PHC1: variants seen among roughly 807,000 people sequenced by gnomAD.
PHC1 encodes polyhomeotic homolog 1, also known as polyhomeotic-like protein 1.
PHC1 carries 12 observed loss-of-function variants against 104.3 expected under a neutral mutation model. The ratio of observed to expected loss-of-function variants is 0.12; its 90% confidence interval spans 0.07 to 0.19. The LOEUF (loss-of-function observed/expected upper bound fraction) is 0.19. Ranked by LOEUF, PHC1 falls within the 10% of genes least tolerant of loss-of-function variation. The probability of loss-of-function intolerance (pLI) is 1.00; values close to 1 mark genes in which losing one functional copy is unlikely to be tolerated. For synonymous variants in PHC1, 302 were observed against 455.8 expected, an observed-to-expected ratio of 0.66 and a Z score of 4.30; for missense variants, 671 against 1,200.0, an observed-to-expected ratio of 0.56 and a Z score of 6.51.
At position 8,930,661 on chromosome 12, in the gene PHC1, G is replaced by T; in HGVS notation, c.839G>T (p.Gly280Val). ...GSGNSIPGSM[G>V]PGGGGQAHGG... ...GGGAATAGCATCCCAGGGTCCATGG[G>T]TCCAGGTGGAGGTGGGCAGGCACAT... The change falls in exon 7 of 15, where the codon GGT becomes GTT. Residue 280 changes from glycine (G) to valine (V), a missense_variant. By Grantham distance (109) the Gly-to-Val change is moderately radical. Coordinates refer to ENST00000544916, the MANE Select transcript of PHC1 (RefSeq NM_004426.3). 1 of 1,411,898 alleles carries T rather than the reference G, an allele frequency of 7.1e-7. No homozygotes were observed. Among genetic ancestry groups the T allele is most frequent in the East Asian group, 2.5e-5 (1 of 40,220 alleles). The allele number at this position is 1,411,898 out of a possible 1,614,324, so 87.5% of individuals were successfully genotyped here.
chr12:8,928,341 T>C (rs1443692990), intron 6 of PHC1, among the ~76,000 whole-genome samples: 1 of 152,254 alleles, frequency 6.6e-6, no homozygotes, highest in Admixed American at 6.5e-5. Flanking sequence ...ACTAATTTTT[T>C]AATCGTACTT....
intron 10 of PHC1, 80 bp downstream of exon 10, chr12:8,934,558 A>G (rs1006929905): frequency 2.1e-6 from 2 of 948,074 alleles, no homozygotes; most frequent in Non-Finnish European, 3.3e-6. Flanking sequence ...AGTAAAAGTA[A>G]AAGGCACAGA....
In PHC1 at chr12:8,939,447, C is replaced by T. The variant is rs750666698; in HGVS notation, c.3003C>T (p.Leu1001=). ...ALKICAKINV[L]KET is the part of the protein sequence containing the mutation. The stretch of plus-strand genomic sequence containing the variant: ...AGATCTGCGCCAAGATAAATGTCCT[C>T]AAGGAGACCTAAGGTGGCCCTCTTG... Residue 1001 remains leucine, a synonymous_variant, in exon 15 of 15, where the codon CTC becomes CTT. Transcript: ENST00000544916. 1 of 1,577,054 alleles carries T rather than the reference C, an allele frequency of 6.3e-7. No individual in the cohort carries two copies. The highest frequency in any genetic ancestry group is 8.6e-7 in the Non-Finnish European group (1 of 1,156,836).
chr12:8,938,045 A>G lies in PHC1; in HGVS notation c.2845A>G (p.Ile949Val), dbSNP rs373549504. 6.2e-7 allele frequency: 1 copy of G among 1,606,750 alleles called. No individual in the cohort carries two copies. The highest frequency in any genetic ancestry group is 1.3e-5 in the African/African-American group (1 of 74,758). The change falls in exon 14 of 15, where the codon ATT becomes GTT. Residue 949 changes from isoleucine (I) to valine (V), a missense_variant. Ile to Val is a conservative substitution (Grantham distance 29). This residue lies in a region of PHC1 where 192 missense variants were observed against 280.5 expected (regional missense o/e 0.68). Transcript: ENST00000544916. ...GAGTGTAGAGGAGGTGTACGAGTTT[A>G]TTGCTTCTCTCCAAGGTACTGACCC... Reference protein sequence around the residue: ...RWSVEEVYEFIASLQGCQEIA... With the variant: ...RWSVEEVYEFVASLQGCQEIA...
intron 2 of PHC1, among the ~76,000 whole-genome samples, chr12:8,918,914 C>T (rs755333938): frequency 1.3e-5 from 2 of 152,312 alleles, no homozygotes; most frequent in South Asian, 4.1e-4. Flanking sequence ...TAGCCTACTC[C>T]GTACCTAGGT....
rs375728177 is a variant in PHC1, at chr12:8,934,349, G to A, written c.2124G>A (p.Pro708=). ...CCTTGACCCCCGCCCCTTCAGTACCGCCTCCTACACTAGCCATGGTGTCTA... is the reference window on the plus strand; with the variant it reads ...CCTTGACCCCCGCCCCTTCAGTACCACCTCCTACACTAGCCATGGTGTCTA... ...LVALTPAPSV[P]PPTLAMVSRQ... The change falls in exon 10 of 15, where the codon CCG becomes CCA. Residue 708 remains proline, a synonymous_variant. Transcript: ENST00000544916. 2.2e-4 allele frequency: 359 copies of A among 1,613,710 alleles called. No individual in the cohort carries two copies. Among genetic ancestry groups the A allele is most frequent in the East Asian group, 1.6e-4 (7 of 44,900 alleles).
intron 1 of PHC1, chr12:8,915,221 T>G (rs1278783489): frequency 1.3e-5 from 2 of 152,604 alleles, no homozygotes; most frequent in Non-Finnish European, 2.9e-5. Flanking sequence ...CCAGCTCACT[T>G]GGGTCAGTTC....
chr12:8,939,270 T>C, intron 14 of PHC1, 35 bp from the exon 15 acceptor site: 1 of 1,612,500 alleles, frequency 6.2e-7, no homozygotes, highest in Non-Finnish European at 8.5e-7. Context: ...TCCTATCATC[T>C]GGCATTACCT....
intron 6 of PHC1, among the ~76,000 whole-genome samples, chr12:8,923,069 G>C (rs1945411363): frequency 6.6e-6 from 1 of 152,160 alleles, no homozygotes; most frequent in African/African-American, 2.4e-5. Flanking sequence ...CTAGTCCTCT[G>C]TGGGTTTGTT....
chr12:8,935,539 C>G, intron 11 of PHC1, among the ~76,000 whole-genome samples: 1 of 151,918 alleles, frequency 6.6e-6, no homozygotes, highest in East Asian at 2.0e-4. Context: ...GGCGGGAGAA[C>G]CACTTGAACC....
chr12:8,933,339 G>A lies in PHC1; in HGVS notation c.1882G>A (p.Val628Met), dbSNP rs1481011570. 1.3e-6 allele frequency: 2 copies of A among 1,552,564 alleles called. No homozygotes were observed. The highest frequency in any genetic ancestry group is 1.8e-5 in the Admixed American group (1 of 54,598). ...QVPAAFYMQS[V>M]HLPGKPQTLA... ...CCCTGCTGCCTTCTATATGCAGTCT[G>A]TGCACTTGCCGGTGAGTGATGTCTG... is the stretch of plus-strand genomic sequence containing the variant. Residue 628 changes from valine (V) to methionine (M), a missense_variant, in exon 8 of 15, where the codon GTG (valine) becomes ATG (methionine). By Grantham distance (21) the Val-to-Met change is conservative. This residue lies in a region of PHC1 where 95 missense variants were observed against 108.8 expected (regional missense o/e 0.87). Coordinates refer to ENST00000544916, the MANE Select transcript of PHC1 (RefSeq NM_004426.3).
At chr12:8,937,551 A>G (rs1050855453) in intron 13 of PHC1, among the ~76,000 whole-genome samples, 2 of 152,090 alleles carry the variant, frequency 1.3e-5, no homozygotes, top group Admixed American at 6.5e-5. Context: ...CTTGAGTACA[A>G]TTGTTAATTG....
chr12:8,933,811 CTTA>C (rs1945757852), intron 8 of PHC1, 51 bp from the exon 9 acceptor site: 18 of 1,477,526 alleles, frequency 1.2e-5, no homozygotes, highest in Non-Finnish European at 1.3e-5. Flanking sequence ...ATTGTGGTTC[CTTA>C]TTATCCTTCA....
chr12:8,922,879 C>A, intron 6 of PHC1, 91 bp downstream of exon 6: 3 of 1,125,486 alleles, frequency 2.7e-6, no homozygotes, highest in Non-Finnish European at 3.8e-6. Context: ...CCCCATTACA[C>A]TTTTCAGAAT....
In PHC1 at chr12:8,937,044, T is replaced by C. The variant is rs1414851852; in HGVS notation, c.2477+80T>C. On this transcript the variant is annotated intron_variant, in intron 12 of 14. Transcript: ENST00000544916. Reference sequence around the variant, plus strand: ...ACACCCCTTCCCCAGGATCGTCTCATAGCTGATATTTTATGTCTCCCTCCT... The same window carrying C: ...ACACCCCTTCCCCAGGATCGTCTCACAGCTGATATTTTATGTCTCCCTCCT... The C allele has an allele frequency of 7.2e-6, 10 of 1,382,372 alleles. No homozygotes were observed. The East Asian group carries it at 1.8e-4, about 26-fold the overall frequency. 85.6% of individuals were successfully genotyped at this position (1,382,372 alleles called of 1,614,324 possible).
chr12:8,916,651 A>G (rs1314310385), intron 1 of PHC1, among the ~76,000 whole-genome samples: 1 of 152,072 alleles, frequency 6.6e-6, no homozygotes, highest in Admixed American at 6.6e-5. Flanking sequence ...TGTAGTCCCC[A>G]GTGGGTAAAT....
Position 8,919,984 on chromosome 12 carries a change from C to T in PHC1, c.225+118C>T, listed in dbSNP as rs138617494. 862 of 1,447,674 alleles carry T rather than the reference C, an allele frequency of 6.0e-4. 3 individuals are homozygous for T. The African/African-American group carries it at 0.011, about 18-fold the overall frequency. 89.7% of individuals were successfully genotyped at this position (1,447,674 alleles called of 1,614,324 possible). A position where few individuals can be genotyped will look rare whatever the true frequency, so the allele number is the denominator to read the frequency against. On this transcript the variant is annotated intron_variant, in intron 3 of 14. Transcript: ENST00000544916. This position sits in a 1 kb window ranked among gnomAD's most constrained non-coding sequence, Gnocchi z 4.9. The stretch of plus-strand genomic sequence containing the variant: ...AAGCCAGGCTGCAGACAGCCTCCTC[C>T]GCCTCCTGTCCTTCTGTGGGAGGAT...
intron 2 of PHC1, among the ~76,000 whole-genome samples, chr12:8,918,720 A>G (rs953367551): frequency 3.3e-5 from 5 of 152,162 alleles, no homozygotes; most frequent in African/African-American, 9.7e-5. Flanking sequence ...CCAGCTCCCA[A>G]TTGGAGAAAC....
intron 6 of PHC1, among the ~76,000 whole-genome samples, chr12:8,928,319 T>C (rs969626496): frequency 5.3e-5 from 8 of 152,232 alleles, no homozygotes; most frequent in South Asian, 2.1e-4. Flanking sequence ...TAAGAAAATA[T>C]ATGTTGTTAC....
Sources: allele counts gnomAD v4.1 joint callset (sites outside exome capture counted in the v4.1 genomes callset), GRCh38; gene constraint gnomAD v4.1.1; regional missense constraint gnomAD v4.1.1; non-coding constraint Gnocchi (gnomAD v3.1); transcripts MANE v1.5; gene names NCBI Gene and HGNC (gene_info 2026-07-23, HGNC 2026-07-21).